DLC1: variants seen among roughly 807,000 people sequenced by gnomAD.
The protein encoded by DLC1 is rho GTPase-activating protein 7.
DLC1 carries 54 observed loss-of-function variants against 140.3 expected under a neutral mutation model. That is an observed-to-expected ratio of 0.38 (90% CI 0.31 to 0.48). The LOEUF (loss-of-function observed/expected upper bound fraction) is 0.48. Ranked by LOEUF, DLC1 falls within the 20% of genes least tolerant of loss-of-function variation. DLC1 has a pLI of 0.96. For synonymous variants in DLC1, 986 were observed against 728.1 expected, an observed-to-expected ratio of 1.35 and a Z score of -5.70; for missense variants, 2,536 against 1,907.0, an observed-to-expected ratio of 1.33 and a Z score of -6.14.
chr8:13,604,571 A>G (rs1191545722), exon 1 of DLC1: 2 of 152,218 alleles, frequency 1.3e-5, no homozygotes, highest in Non-Finnish European at 2.9e-5. Context: ...AAAGCAGAGT[A>G]GAGCAGATGA....
chr8:13,563,539 T>C (rs1585278312), intron 1 of DLC1, among the ~76,000 whole-genome samples: 1 of 152,282 alleles, frequency 6.6e-6, no homozygotes, highest in African/African-American at 2.4e-5. Context: ...ACTTAGTCTC[T>C]TAGGAGAAGA....
At chr8:13,562,391 T>C (rs1197916413) in intron 1 of DLC1, among the ~76,000 whole-genome samples, 4 of 152,002 alleles carry the variant, frequency 2.6e-5, no homozygotes, top group Non-Finnish European at 5.9e-5. Flanking sequence ...ACAAAATTTA[T>C]ATAAAAATAG....
At chr8:13,327,399 T>G (rs1833409162) in intron 4 of DLC1, among the ~76,000 whole-genome samples, 1 of 152,118 alleles carries the variant, frequency 6.6e-6, no homozygotes, top group Admixed American at 6.6e-5. Flanking sequence ...TGCAATTACA[T>G]TTTGCTAGTG....
chr8:13,580,230 C>T (rs941043592), intron 1 of DLC1, among the ~76,000 whole-genome samples: 1 of 152,028 alleles, frequency 6.6e-6, no homozygotes, highest in Non-Finnish European at 1.5e-5. Flanking sequence ...TCACGCCATT[C>T]TCCTGCCTCA....
intron 6 of DLC1, among the ~76,000 whole-genome samples, chr8:13,113,391 C>A (rs1375215959): frequency 6.6e-6 from 1 of 152,114 alleles, no homozygotes; most frequent in Admixed American, 6.5e-5. Context: ...CAGTGTACCC[C>A]AAAAGTAGTC....
At chr8:13,159,060 G>C (rs112737712) in intron 5 of DLC1, among the ~76,000 whole-genome samples, 18 of 152,288 alleles carry the variant, frequency 1.2e-4, no homozygotes, top group African/African-American at 4.1e-4. Context: ...AGAGATAGGA[G>C]TTTTGGCTTC....
intron 5 of DLC1, among the ~76,000 whole-genome samples, chr8:13,176,727 A>T (rs1302532179): frequency 6.6e-6 from 1 of 152,226 alleles, no homozygotes; most frequent in East Asian, 1.9e-4. Flanking sequence ...GTTACACGGC[A>T]ATGAAGAATG....
At chr8:13,491,000 C>CATAT (rs747784966) in intron 2 of DLC1, among the ~76,000 whole-genome samples, 43 of 146,638 alleles carry the variant, frequency 2.9e-4, no homozygotes, top group African/African-American at 9.7e-4. Context: ...CACACACACA[C>CATAT]ATATATATAT....
chr8:13,382,308 C>G (rs1041885114), intron 4 of DLC1, among the ~76,000 whole-genome samples: 3 of 151,214 alleles, frequency 2.0e-5, no homozygotes, highest in Non-Finnish European at 4.4e-5. Flanking sequence ...GAGATCGAGA[C>G]CATCCTGGCT....
At chr8:13,402,389 T>C (rs1837336349) in intron 2 of DLC1, among the ~76,000 whole-genome samples, 1 of 152,170 alleles carries the variant, frequency 6.6e-6, no homozygotes, top group African/African-American at 2.4e-5. Context: ...GTCAAGTCAA[T>C]TAGTTCTAGG....
intron 4 of DLC1, among the ~76,000 whole-genome samples, chr8:13,374,745 G>A (rs985875128): frequency 2.6e-5 from 4 of 152,192 alleles, no homozygotes; most frequent in African/African-American, 9.6e-5. Context: ...TAGTGCCATT[G>A]CACTCCAGTC....
intron 1 of DLC1, among the ~76,000 whole-genome samples, chr8:13,531,284 A>G (rs556815654): frequency 1.3e-5 from 2 of 152,202 alleles, no homozygotes; most frequent in African/African-American, 4.8e-5. Context: ...AGTTACATTT[A>G]CAGCAAAACT....
At chr8:13,554,958 C>G (rs186377275) in intron 1 of DLC1, among the ~76,000 whole-genome samples, 434 of 152,338 alleles carry the variant, frequency 2.8e-3, no homozygotes, top group Non-Finnish European at 5.2e-3. Flanking sequence ...TTCCATTAAT[C>G]TGCTCCCACC....
At chr8:13,333,410 G>T (rs1378480667) in intron 4 of DLC1, among the ~76,000 whole-genome samples, 2 of 38,536 alleles carry the variant, frequency 5.2e-5, no homozygotes, top group Non-Finnish European at 1.4e-4. Flanking sequence ...TTGTTTGTTT[G>T]TTTTTTGTTT....
At chr8:13,259,831 C>T (rs1420237393) in intron 5 of DLC1, among the ~76,000 whole-genome samples, 1 of 150,842 alleles carries the variant, frequency 6.6e-6, no homozygotes, top group African/African-American at 2.4e-5. Flanking sequence ...TTCCTATCTA[C>T]TTAGGTGAAG....
At position 13,214,364 on chromosome 8, in the gene DLC1, T is replaced by C. The variant is rs140254685; in HGVS notation, c.1348+90905A>G. 30 of 354,392 alleles carry C rather than the reference T, an allele frequency of 8.5e-5. 1 individual carries two copies. The highest frequency in any genetic ancestry group is 5.9e-4 in the African/African-American group (28 of 47,626). 22.0% of individuals were successfully genotyped at this position (354,392 alleles called of 1,614,324 possible). Reference sequence around the variant, plus strand: ...TCTTTAGGAAAGTTTCCCTTTTAGCTTTCGGGACCCTGTTGACAGGCTTTG... The same window carrying C: ...TCTTTAGGAAAGTTTCCCTTTTAGCCTTCGGGACCCTGTTGACAGGCTTTG... On this transcript the variant is annotated intron_variant, in intron 5 of 17. Coordinates refer to ENST00000276297, the MANE Select transcript of DLC1 (RefSeq NM_182643.3).
chr8:13,293,654 T>C (rs1309260884), intron 5 of DLC1, among the ~76,000 whole-genome samples: 2 of 152,140 alleles, frequency 1.3e-5, no homozygotes, highest in Admixed American at 6.5e-5. Flanking sequence ...TGATATAGCA[T>C]AAAATTCAAG....
At chr8:13,356,824 C>T (rs993486093) in intron 4 of DLC1, among the ~76,000 whole-genome samples, 1 of 151,676 alleles carries the variant, frequency 6.6e-6, no homozygotes, top group Non-Finnish European at 1.5e-5. Context: ...TCCTGGACCA[C>T]ACTTCACTCT....
intron 1 of DLC1, among the ~76,000 whole-genome samples, chr8:13,603,145 C>A (rs1805942972): frequency 6.6e-6 from 1 of 151,762 alleles, no homozygotes; most frequent in East Asian, 1.9e-4. Flanking sequence ...AATAAAAGAA[C>A]TCTTAAGTCA....
Sources: gnomAD v4.1 joint callset for allele counts (sites outside exome capture counted in the v4.1 genomes callset) on GRCh38, gnomAD v4.1.1 for gene constraint, MANE v1.5 for transcripts, NCBI Gene and HGNC (gene_info 2026-07-23, HGNC 2026-07-21) for gene names.